Variants in LSP1 observed in about 807,000 individuals in gnomAD.
LSP1 encodes lymphocyte specific protein 1.
LSP1 carries 32 observed loss-of-function variants against 49.3 expected under a neutral mutation model. The observed-to-expected ratio is 0.65, with a 90% CI of 0.49 to 0.87. LSP1 has a LOEUF of 0.87. Ranked by LOEUF, LSP1 falls within the 40% of genes least tolerant of loss-of-function variation. LSP1 has a pLI of 0.00. For synonymous variants in LSP1, 179 were observed against 178.8 expected, an observed-to-expected ratio of 1.00 and a Z score of -0.01; for missense variants, 428 against 442.6, an observed-to-expected ratio of 0.97 and a Z score of 0.30.
chr11:1,860,056 G>A (rs2133059038), intron 1 of LSP1, among the ~76,000 whole-genome samples: 1 of 152,318 alleles, frequency 6.6e-6, no homozygotes, highest in African/African-American at 2.4e-5. Context: ...TGTAGCCCCT[G>A]CTTAGGCTCT....
chr11:1,881,489 C>A lies in LSP1; in HGVS notation c.249C>A (p.Asp83Glu). The A allele has an allele frequency of 6.3e-7, 1 of 1,578,304 alleles. No homozygotes were observed. Among genetic ancestry groups the A allele is most frequent in the Non-Finnish European group, 8.6e-7 (1 of 1,161,430 alleles). The change falls in exon 3 of 11, where the codon GAC becomes GAA. Residue 83 changes from aspartate (D) to glutamate (E), a missense_variant. Asp to Glu is a conservative substitution (Grantham distance 45). Transcript: ENST00000311604. ...PELDEDEGFG[D>E]WSQRPEQRQQ... ...TGGATGAGGACGAGGGCTTTGGCGA[C>A]TGGTCCCAGAGGCCAGAGCAGCGGC... is the stretch of plus-strand genomic sequence containing the variant.
intron 3 of LSP1, 98 bp downstream of exon 3, chr11:1,881,694 G>C (rs949282549): frequency 6.6e-6 from 9 of 1,366,812 alleles, no homozygotes; most frequent in Admixed American, 3.3e-5. Context: ...TCTGGACCTC[G>C]AGGGCGGGCG....
chr11:1,867,793 G>A (rs1329951293), intron 1 of LSP1, among the ~76,000 whole-genome samples: 1 of 152,146 alleles, frequency 6.6e-6, no homozygotes, highest in Non-Finnish European at 1.5e-5. Flanking sequence ...GGTGCTCTGG[G>A]CCAGTGGGAA....
At chr11:1,889,184 C>A in intron 10 of LSP1, 1 of 675,920 alleles carries the variant, frequency 1.5e-6, no homozygotes, top group Non-Finnish European at 2.7e-6. Flanking sequence ...GGTTGAAGTT[C>A]TTGGGCTGGG....
chr11:1,880,253 C>A (rs746854369), intron 2 of LSP1, 29 bp downstream of exon 2: 1 of 1,547,430 alleles, frequency 6.5e-7, no homozygotes, highest in Admixed American at 1.9e-5. Context: ...CGTGCCTGGG[C>A]TCTAGCCCCT....
At chr11:1,876,738 AAGG>A (rs3044230) in intron 1 of LSP1, 244,036 of 692,686 alleles carry the variant, frequency 0.35, 45,417 homozygotes, top group Non-Finnish European at 0.38. Flanking sequence ...TTTGTGGAGG[AAGG>A]AGAAGAAGGG....
At chr11:1,866,529 G>A (rs1847794166) in intron 1 of LSP1, 4 of 1,532,262 alleles carry the variant, frequency 2.6e-6, no homozygotes, top group East Asian at 2.5e-5. Flanking sequence ...CCTGAGTTCA[G>A]GACCAGCACC....
At chr11:1,861,008 A>G (rs1285828995) in intron 1 of LSP1, among the ~76,000 whole-genome samples, 40 of 152,212 alleles carry the variant, frequency 2.6e-4, no homozygotes, top group Admixed American at 6.5e-5. Context: ...AAAGATAGAT[A>G]GATAATGAAT....
chr11:1,890,366 G>A, intron 10 of LSP1: 1 of 716,570 alleles, frequency 1.4e-6, no homozygotes, highest in Non-Finnish European at 2.6e-6. Context: ...CCTGGTCATG[G>A]CTGGCCTCAC....
intron 1 of LSP1, among the ~76,000 whole-genome samples, chr11:1,867,940 C>T (rs1847848365): frequency 6.6e-6 from 1 of 152,124 alleles, no homozygotes; most frequent in Non-Finnish European, 1.5e-5. Context: ...CCAGCCCCTG[C>T]CAGAATGCGG....
intron 1 of LSP1, chr11:1,868,758 C>T (rs1220573951): frequency 2.0e-6 from 2 of 985,734 alleles, no homozygotes; most frequent in East Asian, 1.1e-4. Context: ...CCGAGTGGCC[C>T]AGCCCCCTGG....
chr11:1,860,894 T>G (rs1847612707), intron 1 of LSP1, among the ~76,000 whole-genome samples: 1 of 152,002 alleles, frequency 6.6e-6, no homozygotes, highest in Non-Finnish European at 1.5e-5. Flanking sequence ...TATAAATGAT[T>G]GGAAAGATTA....
intron 10 of LSP1, chr11:1,891,082 G>A (rs915940916): frequency 5.7e-5 from 9 of 158,548 alleles, no homozygotes; most frequent in East Asian, 1.9e-4. Context: ...AGGCGCGTCC[G>A]CTGCGAGCCA....
chr11:1,890,339 G>A (rs771070839), intron 10 of LSP1: 22 of 714,952 alleles, frequency 3.1e-5, no homozygotes, highest in African/African-American at 1.2e-4. Context: ...CCTCAGCAGC[G>A]TGCGGGGCTG....
intron 10 of LSP1, 41 bp downstream of exon 10, chr11:1,887,617 C>T (rs1848812904): frequency 1.3e-6 from 2 of 1,505,022 alleles, no homozygotes; most frequent in African/African-American, 1.4e-5. Context: ...GAGGTGCACA[C>T]ACGTGCACTG....
At chr11:1,859,298 C>G (rs907331228) in intron 1 of LSP1, among the ~76,000 whole-genome samples, 6 of 152,122 alleles carry the variant, frequency 3.9e-5, no homozygotes, top group African/African-American at 1.4e-4. Flanking sequence ...TTCCCAGAGT[C>G]CCCAGTCTCC....
At chr11:1,860,365 G>T (rs1170119208) in intron 1 of LSP1, among the ~76,000 whole-genome samples, 5 of 151,916 alleles carry the variant, frequency 3.3e-5, no homozygotes, top group Non-Finnish European at 7.4e-5. Context: ...GGACAGGTGG[G>T]TGAATGGATG....
chr11:1,859,253 A>C lies in LSP1; in HGVS notation c.53+6056A>C, dbSNP rs547036373. Among the ~76,000 whole-genome samples the C allele has an allele frequency of 5.3e-5, 8 of 152,180 alleles. No individual in the cohort carries two copies. In the East Asian group the frequency reaches 1.4e-3, roughly 26 times the overall value. ...CTGAGGTGTCCAGGATACTCTGTCC[A>C]CTGGGGCAGGGGGTGGCTTCTAAGC... On this transcript the variant is annotated intron_variant, in intron 1 of 10. Coordinates refer to ENST00000311604, the MANE Select transcript of LSP1 (RefSeq NM_002339.3).
chr11:1,870,100 G>T, intron 1 of LSP1: 1 of 471,410 alleles, frequency 2.1e-6, no homozygotes, highest in East Asian at 7.1e-5. Context: ...GGAGGCGCTG[G>T]CTGCACTGGT....
Sources: allele counts gnomAD v4.1 joint callset (sites outside exome capture counted in the v4.1 genomes callset), GRCh38; gene constraint gnomAD v4.1.1; transcripts MANE v1.5; gene names NCBI Gene and HGNC (gene_info 2026-07-23, HGNC 2026-07-21).